TNS1: variants seen among roughly 807,000 people sequenced by gnomAD.
TNS1 encodes the protein tensin 1, also known as tensin-1.
In TNS1, 62 loss-of-function variants were observed where a neutral mutation model predicts 168.6. The ratio of observed to expected loss-of-function variants is 0.37; its 90% confidence interval spans 0.30 to 0.45. The LOEUF is 0.45. TNS1 is among the 20% of genes least tolerant of loss of function. The pLI is 1.00. For synonymous variants in TNS1, 934 were observed against 933.2 expected (o/e 1.00, Z -0.02); for missense variants, 2,240 against 2,339.4 (o/e 0.96, Z 0.88).
At chr2:217,947,942 T>C (rs779591325) in intron 3 of TNS1, among the ~76,000 whole-genome samples, 1 of 152,220 alleles carries the variant, frequency 6.6e-6, no homozygotes, top group Non-Finnish European at 1.5e-5. Flanking sequence ...GTGCCTATGA[T>C]TCTCACCTCA....
At chr2:218,013,401 C>T (rs1958726889), upstream of TNS1, among the ~76,000 whole-genome samples, 1 of 152,156 alleles carries the variant, frequency 6.6e-6, no homozygotes, top group South Asian at 2.1e-4. Flanking sequence ...TATTAGAGGC[C>T]AAAACATCCC....
At chr2:217,889,023 A>G (rs780561893) in intron 12 of TNS1, among the ~76,000 whole-genome samples, 6 of 152,148 alleles carry the variant, frequency 3.9e-5, no homozygotes, top group African/African-American at 7.2e-5. Flanking sequence ...TTATCCTTCA[A>G]GGTCAAAGGC....
At chr2:218,002,422 C>T (rs1366062696) in intron 1 of TNS1, among the ~76,000 whole-genome samples, 2 of 152,330 alleles carry the variant, frequency 1.3e-5, no homozygotes, top group East Asian at 3.9e-4. Flanking sequence ...TCTTTGCTCC[C>T]CAGCCCCACC....
At chr2:217,845,923 A>C (rs1574775749) in intron 19 of TNS1, among the ~76,000 whole-genome samples, 1 of 152,150 alleles carries the variant, frequency 6.6e-6, no homozygotes, top group Admixed American at 6.5e-5. Flanking sequence ...ACTAATCTTT[A>C]GGCCACCACT....
At chr2:217,816,455 G>T (rs2552523) in intron 24 of TNS1, among the ~76,000 whole-genome samples, 9,320 of 152,152 alleles carry the variant, frequency 0.061, 963 homozygotes, top group African/African-American at 0.21. Flanking sequence ...CTGTCTCCGG[G>T]CGAGTGTGAG....
chr2:217,831,942 A>AACACACAC (rs66652637), intron 21 of TNS1, among the ~76,000 whole-genome samples: 16,297 of 146,168 alleles, frequency 0.11, 988 homozygotes, highest in East Asian at 0.29. Flanking sequence ...ACCCTCACCC[A>AACACACAC]ACACACACAC....
chr2:217,813,865 C>T lies in TNS1; in HGVS notation c.4730-49G>A, dbSNP rs567471809. 2.8e-5 allele frequency: 42 copies of T among 1,524,480 alleles called. No homozygotes were observed. The highest frequency in any genetic ancestry group is 5.6e-5 in the African/African-American group (4 of 71,498). 94.4% of individuals were successfully genotyped at this position (1,524,480 alleles called of 1,614,324 possible). ...AGAGGAGGAAGCAAGACCTCGGTGG[C>T]GCTAGTTTTACTTAAGTCTCATTGA... On this transcript the variant is annotated intron_variant, in intron 25 of 32. Coordinates refer to ENST00000682258, the MANE Select transcript of TNS1 (RefSeq NM_001387777.1). This position sits in a 1 kb window ranked among gnomAD's most constrained non-coding sequence, Gnocchi z 4.0.
intron 3 of TNS1, among the ~76,000 whole-genome samples, chr2:217,927,241 T>C (rs921143561): frequency 6.6e-6 from 1 of 152,188 alleles, no homozygotes; most frequent in Non-Finnish European, 1.5e-5. Flanking sequence ...GAGGTGGGAA[T>C]GCTTGGCGTG....
At position 217,808,675 on chromosome 2, in the gene TNS1, C is replaced by A. The variant is rs373152875; in HGVS notation, c.5274-4G>T. On this transcript the variant is annotated splice_region_variant and splice_polypyrimidine_tract_variant and intron_variant, in intron 30 of 32. Transcript: ENST00000682258. Reference sequence around the variant, plus strand: ...GTAGTGGCGTCTGAAAAAGAGCCTGCAGCACAGACATCAGATAAACAGAGA... The same window carrying A: ...GTAGTGGCGTCTGAAAAAGAGCCTGAAGCACAGACATCAGATAAACAGAGA... 20 of 1,613,942 alleles carry A rather than the reference C, an allele frequency of 1.2e-5. No individual in the cohort carries two copies. Among genetic ancestry groups the A allele is most frequent in the East Asian group, 8.9e-5 (4 of 44,886 alleles).
intron 1 of TNS1, among the ~76,000 whole-genome samples, chr2:218,029,252 T>C (rs191988065): frequency 3.3e-5 from 5 of 152,270 alleles, no homozygotes; most frequent in African/African-American, 9.6e-5. Context: ...GAAGAATCAT[T>C]ACAAAGGGAC....
intron 21 of TNS1, among the ~76,000 whole-genome samples, chr2:217,833,980 A>C (rs1243141984): frequency 6.6e-6 from 1 of 152,266 alleles, no homozygotes; most frequent in African/African-American, 2.4e-5. Context: ...TTTGGATTTA[A>C]CAAAAATGTT....
intron 4 of TNS1, among the ~76,000 whole-genome samples, chr2:217,919,912 G>A (rs1955541716): frequency 6.6e-6 from 1 of 152,224 alleles, no homozygotes; most frequent in Non-Finnish European, 1.5e-5. Context: ...CGGGACAACA[G>A]GCACCTGGCC....
intron 2 of TNS1, 166 bp from the exon 3 acceptor site, chr2:217,978,968 C>T (rs1559397563): frequency 1.7e-6 from 1 of 575,186 alleles, no homozygotes; most frequent in South Asian, 1.9e-5. Context: ...CGGAGGGGAG[C>T]GGCTGCCGGG....
intron 3 of TNS1, chr2:217,936,936 G>C: frequency 2.2e-6 from 1 of 456,784 alleles, no homozygotes. Flanking sequence ...CCATGTAGCA[G>C]AGCTGGGAGG....
intron 22 of TNS1, chr2:217,830,289 A>G: frequency 6.3e-7 from 1 of 1,587,858 alleles, no homozygotes; most frequent in Non-Finnish European, 8.6e-7. Flanking sequence ...GTCCCTGGCC[A>G]TGCCGACACT....
chr2:218,028,826 G>A (rs1040091797), intron 1 of TNS1, among the ~76,000 whole-genome samples: 1 of 152,176 alleles, frequency 6.6e-6, no homozygotes. Context: ...AAGGGGACCT[G>A]GCCCCTAAGC....
At chr2:217,946,447 T>A (rs1957107024) in intron 3 of TNS1, among the ~76,000 whole-genome samples, 1 of 152,198 alleles carries the variant, frequency 6.6e-6, no homozygotes, top group African/African-American at 2.4e-5. Flanking sequence ...AATAAATGAA[T>A]GATGAAGAGA....
chr2:217,958,153 T>C (rs1307405273), intron 3 of TNS1, among the ~76,000 whole-genome samples: 3 of 152,164 alleles, frequency 2.0e-5, no homozygotes, highest in Admixed American at 6.5e-5. Context: ...AAACATATCG[T>C]AGACCAAGAC....
intron 12 of TNS1, among the ~76,000 whole-genome samples, chr2:217,889,783 G>C (rs1951559972): frequency 6.6e-6 from 1 of 152,220 alleles, no homozygotes; most frequent in Admixed American, 6.5e-5. Context: ...GAATGGTGCT[G>C]ACATCACGGC....
Sources: gnomAD v4.1 joint callset for allele counts (sites outside exome capture counted in the v4.1 genomes callset) on GRCh38, gnomAD v4.1.1 for gene constraint, Gnocchi (gnomAD v3.1) non-coding constraint, MANE v1.5 for transcripts, NCBI Gene and HGNC (gene_info 2026-07-23, HGNC 2026-07-21) for gene names.